TBC1D19: variants seen among roughly 807,000 people sequenced by gnomAD.
The protein encoded by TBC1D19 is TBC1 domain family, member 19.
In TBC1D19, 60 loss-of-function variants were observed where a neutral mutation model predicts 89.0. The ratio of observed to expected loss-of-function variants is 0.67; its 90% confidence interval spans 0.55 to 0.84. TBC1D19 has a LOEUF of 0.84. TBC1D19 is among the 40% of genes least tolerant of loss of function. TBC1D19 has a pLI of 0.00. For missense variants in TBC1D19, 500 were observed against 610.8 expected (o/e 0.82, Z 1.91); for synonymous variants, 189 against 199.7 (o/e 0.95, Z 0.45).
At chr4:26,611,387 T>C (rs1741373072) in intron 1 of TBC1D19, among the ~76,000 whole-genome samples, 1 of 152,104 alleles carries the variant, frequency 6.6e-6, no homozygotes, top group Admixed American at 6.6e-5. Context: ...CTATTTGACT[T>C]TAGAATTTCC....
At chr4:26,741,039 A>G (rs1718337039) in intron 17 of TBC1D19, 1 of 821,568 alleles carries the variant, frequency 1.2e-6, no homozygotes, top group Admixed American at 6.2e-5. Context: ...AATAATCAGA[A>G]ATATGACCAA....
intron 17 of TBC1D19, among the ~76,000 whole-genome samples, chr4:26,741,838 C>G (rs149111485): frequency 8.9e-4 from 135 of 152,278 alleles, no homozygotes; most frequent in African/African-American, 3.1e-3. Context: ...AATAAATGTA[C>G]TTGAAAAACT....
intron 18 of TBC1D19, among the ~76,000 whole-genome samples, chr4:26,743,785 T>C (rs550429354): frequency 2.0e-3 from 302 of 151,886 alleles, no homozygotes; most frequent in African/African-American, 6.7e-3. Context: ...CTTTTATTCT[T>C]GTAGTAAATT....
intron 8 of TBC1D19, among the ~76,000 whole-genome samples, chr4:26,665,767 GTGTT>G (rs1301079704): frequency 6.6e-6 from 1 of 152,078 alleles, no homozygotes; most frequent in Non-Finnish European, 1.5e-5. Flanking sequence ...TGCATACTGA[GTGTT>G]TGTATGTGTG....
rs1738982246 is a variant in TBC1D19, at chr4:26,576,712, C to T, written c.-80C>T. 1.3e-5 allele frequency: 6 copies of T among 456,042 alleles called. No homozygotes were observed. In the Admixed American group the frequency reaches 1.4e-4, roughly 11 times the overall value. The allele number at this position is 456,042 out of a possible 1,614,324, so 28.2% of individuals were successfully genotyped here. A position where few individuals can be genotyped will look rare whatever the true frequency, so the allele number is the denominator to read the frequency against. ...AGAATTCACGGACAGAAGAACAACA[C>T]AGCAGGGCAGAGAGCCACAGAGCCA... On this transcript the variant is annotated 5_prime_UTR_variant, in exon 1 of 13. Coordinates refer to the TBC1D19 transcript ENST00000512840.
At chr4:26,671,078 C>A (rs1712261796) in intron 9 of TBC1D19, among the ~76,000 whole-genome samples, 1 of 151,556 alleles carries the variant, frequency 6.6e-6, no homozygotes, top group Non-Finnish European at 1.5e-5. Context: ...TGCTAATTAT[C>A]ATAGGATATG....
the TBC1D19 span, among the ~76,000 whole-genome samples, chr4:26,840,419 C>A: frequency 6.6e-6 from 1 of 152,118 alleles, no homozygotes; most frequent in Non-Finnish European, 1.5e-5. Context: ...TCGTTTAATG[C>A]TTGTAGGGAA....
intron 8 of TBC1D19, among the ~76,000 whole-genome samples, chr4:26,662,190 G>T (rs1745261210): frequency 6.6e-6 from 1 of 152,182 alleles, no homozygotes. Context: ...AAATGGACAT[G>T]TTAACCATTT....
rs116386253 is a variant in TBC1D19 at position 26,745,331 on chromosome 4, A to G, written c.1319+2732A>G. On this transcript the variant is annotated intron_variant, in intron 18 of 20. Coordinates refer to ENST00000264866, the MANE Select transcript of TBC1D19 (RefSeq NM_018317.4). ...TGATATTATTGAATTGGAATCAACT[A>G]TATTACTAAATTTTTTTAGTTATTC... 5.2e-3 allele frequency among the ~76,000 whole-genome samples: 797 copies of G among 151,916 alleles called. 4 individuals are homozygous for G. Among genetic ancestry groups the G allele is most frequent in the African/African-American group, 0.018 (748 of 41,488 alleles).
chr4:26,754,226 A>G (rs1359847435), intron 20 of TBC1D19: 1 of 207,920 alleles, frequency 4.8e-6, no homozygotes, highest in East Asian at 1.0e-4. Context: ...TCACAGAAGA[A>G]AAACCACTTG....
the TBC1D19 span, among the ~76,000 whole-genome samples, chr4:26,853,548 T>C: frequency 6.6e-6 from 1 of 152,156 alleles, no homozygotes. Flanking sequence ...TTTTTTTTGT[T>C]TGTTTTTGAG....
At chr4:26,630,166 CTT>C (rs1223506168) in intron 4 of TBC1D19, among the ~76,000 whole-genome samples, 1 of 151,528 alleles carries the variant, frequency 6.6e-6, no homozygotes, top group Non-Finnish European at 1.5e-5. Context: ...GATCATGAAT[CTT>C]TTATAAATTT....
At chr4:26,786,716 G>T in the TBC1D19 span, among the ~76,000 whole-genome samples, 3 of 149,052 alleles carry the variant, frequency 2.0e-5, no homozygotes, top group Non-Finnish European at 4.5e-5. Flanking sequence ...AGCATGAACA[G>T]GTGGGTGGAT....
chr4:26,824,015 G>C, the TBC1D19 span, among the ~76,000 whole-genome samples: 1 of 152,172 alleles, frequency 6.6e-6, no homozygotes, highest in Non-Finnish European at 1.5e-5. Context: ...CCATTCACAG[G>C]GCTATTTGAT....
At chr4:26,617,173 T>C (rs369790797) in intron 3 of TBC1D19, among the ~76,000 whole-genome samples, 3 of 152,186 alleles carry the variant, frequency 2.0e-5, no homozygotes, top group African/African-American at 4.8e-5. Flanking sequence ...CTTGCTGCAT[T>C]ATCCCATGGC....
chr4:26,694,048 A>G (rs933907985), intron 13 of TBC1D19, among the ~76,000 whole-genome samples: 1 of 152,050 alleles, frequency 6.6e-6, no homozygotes, highest in African/African-American at 2.4e-5. Flanking sequence ...CGAACAGTGG[A>G]GGCAGGACAG....
chr4:26,790,082 A>G, the TBC1D19 span, among the ~76,000 whole-genome samples: 1 of 152,226 alleles, frequency 6.6e-6, no homozygotes, highest in African/African-American at 2.4e-5. Flanking sequence ...TAATGAGTAC[A>G]ATGTAAACTA....
At chr4:26,849,253 G>A in the TBC1D19 span, among the ~76,000 whole-genome samples, 2 of 151,784 alleles carry the variant, frequency 1.3e-5, no homozygotes, top group African/African-American at 4.8e-5. Context: ...TGCCAAGAAA[G>A]ATCTATTATC....
At chr4:26,759,512 A>G (rs1719390184), downstream of TBC1D19, among the ~76,000 whole-genome samples, 1 of 152,216 alleles carries the variant, frequency 6.6e-6, no homozygotes, top group Non-Finnish European at 1.5e-5. Context: ...TTTTAAGTGT[A>G]CAGTTCTATA....
Sources: gnomAD v4.1 joint callset for allele counts (sites outside exome capture counted in the v4.1 genomes callset) on GRCh38, gnomAD v4.1.1 for gene constraint, MANE v1.5 for transcripts, NCBI Gene and HGNC (gene_info 2026-07-23, HGNC 2026-07-21) for gene names.